The following SFRP1 variants were observed in gnomAD, a reference collection of about 807,000 sequenced individuals.
SFRP1 encodes secreted frizzled-related protein 1.
A neutral mutation model predicts 25.9 loss-of-function variants in SFRP1; 9 were observed. The ratio of observed to expected loss-of-function variants is 0.35; its 90% CI spans 0.21 to 0.61. The LOEUF is 0.61. Among genes scored for constraint, SFRP1 ranks in the 20% least tolerant of loss-of-function variants. The probability of loss-of-function intolerance (pLI) is 0.78; values close to 1 mark genes in which losing one functional copy is unlikely to be tolerated. For missense variants in SFRP1, 346 were observed against 418.2 expected (o/e 0.83, Z 1.51); for synonymous variants, 178 against 174.0 (o/e 1.02, Z -0.18).
In SFRP1 at chr8:41,303,530, C is replaced by A; in HGVS notation, c.553G>T (p.Val185Leu). The change falls in exon 2 of 3, where the codon GTG becomes TTG. Residue 185 changes from valine to leucine, a missense_variant. Val to Leu is a conservative substitution (Grantham distance 32). Coordinates refer to ENST00000220772, the MANE Select transcript of SFRP1 (RefSeq NM_003012.5). Reference protein sequence around the residue: ...TEASKPQGTTVCPPCDNELKS... With the variant: ...TEASKPQGTTLCPPCDNELKS... ...AACTCGTTGTCACAGGGAGGACACA[C>A]CGTTGTGCCTGGGAAAGGAAGTAGG... 1.9e-6 allele frequency: 3 copies of A among 1,613,540 alleles called. No homozygotes were observed. Among genetic ancestry groups the A allele is most frequent in the Non-Finnish European group, 2.5e-6 (3 of 1,179,526 alleles).
chr8:41,306,883 G>A (rs1448881149), intron 1 of SFRP1: 1 of 1,593,790 alleles, frequency 6.3e-7, no homozygotes, highest in African/African-American at 1.3e-5. Context: ...GCTGGGGTGA[G>A]GGATTCTTTC....
At chr8:41,281,782 C>A (rs534827815) in intron 2 of SFRP1, among the ~76,000 whole-genome samples, 16 of 152,348 alleles carry the variant, frequency 1.1e-4, no homozygotes, top group African/African-American at 3.4e-4. Flanking sequence ...ATTTCATATA[C>A]ATGGCCAACT....
intron 2 of SFRP1, among the ~76,000 whole-genome samples, chr8:41,295,095 G>C (rs1276177989): frequency 6.6e-6 from 1 of 152,204 alleles, no homozygotes; most frequent in East Asian, 1.9e-4. Flanking sequence ...CAGTGCAGTG[G>C]CTCACGCCTG....
At chr8:41,269,049 A>G (rs1489165284) in intron 2 of SFRP1, among the ~76,000 whole-genome samples, 1 of 152,206 alleles carries the variant, frequency 6.6e-6, no homozygotes, top group Non-Finnish European at 1.5e-5. Flanking sequence ...TGGTGGATCG[A>G]CCATCTGAGG....
chr8:41,293,354 A>G (rs1034212522), intron 2 of SFRP1, among the ~76,000 whole-genome samples: 3 of 152,216 alleles, frequency 2.0e-5, no homozygotes, highest in African/African-American at 7.2e-5. Flanking sequence ...TTGAGTCCCC[A>G]CGCTGTGGGC....
rs144681049 is a variant in SFRP1 at position 41,296,886 on chromosome 8, T to C, written c.622+6575A>G. On this transcript the variant is annotated intron_variant, in intron 2 of 2. Coordinates refer to ENST00000220772, the MANE Select transcript of SFRP1 (RefSeq NM_003012.5). ...CTCCCGCATTCAGCCCTCATCACTG[T>C]CTGGAGGCTTCCAGGTTTACGTTGA... 3.5e-3 allele frequency among the ~76,000 whole-genome samples: 533 copies of C among 152,322 alleles called. 3 individuals carry two copies. Among genetic ancestry groups the C allele is most frequent in the African/African-American group, 0.012 (516 of 41,566 alleles).
At position 41,265,112 on chromosome 8, in the gene SFRP1, T is replaced by TTC; in HGVS notation, c.*54_*55insGA. The TTC allele has an allele frequency of 5.8e-6, 3 of 517,774 alleles. No homozygotes were observed. Among genetic ancestry groups the TTC allele is most frequent in the South Asian group, 2.0e-5 (1 of 51,012 alleles). The allele number at this position is 517,774 out of a possible 1,614,324, so 32.1% of individuals were successfully genotyped here. A position where few individuals can be genotyped will look rare whatever the true frequency, so the allele number is the denominator to read the frequency against. ...GACCCACCGGGTTCCCGGGGCACTGTCCCCCCCGCTCCCACCCCACCCGAG... is the reference window on the plus strand; with the variant it reads ...GACCCACCGGGTTCCCGGGGCACTGTTCCCCCCCCGCTCCCACCCCACCCGAG... On this transcript the variant is annotated 3_prime_UTR_variant, in exon 3 of 3. Transcript: ENST00000220772.
At position 41,272,086 on chromosome 8, in the gene SFRP1, TAA is replaced by T. The variant is rs1239161907; in HGVS notation, c.623-6599_623-6598del. Among the ~76,000 whole-genome samples the T allele has an allele frequency of 8.5e-5, 13 of 152,196 alleles. No individual in the cohort carries two copies. The East Asian group carries it at 2.5e-3, about 29-fold the overall frequency. On this transcript the variant is annotated intron_variant, in intron 2 of 2. Transcript: ENST00000220772. ...AAAGATTACTTGGAAATTTAAAATATAAGAGAAGAAATATAAAATGCAAGACA... is the reference window on the plus strand; with the variant it reads ...AAAGATTACTTGGAAATTTAAAATATGAGAAGAAATATAAAATGCAAGACA...
At chr8:41,269,620 T>C (rs1585504175) in intron 2 of SFRP1, among the ~76,000 whole-genome samples, 1 of 152,184 alleles carries the variant, frequency 6.6e-6, no homozygotes. Context: ...CAAAGCCGTC[T>C]CTTCCTCCTG....
In SFRP1 at chr8:41,263,054, C is replaced by T. The variant is rs1165589542; in HGVS notation, c.*2113G>A. On this transcript the variant is annotated 3_prime_UTR_variant, in exon 3 of 3. Coordinates refer to ENST00000220772, the MANE Select transcript of SFRP1 (RefSeq NM_003012.5). Reference sequence around the variant, plus strand: ...CCTGCTCTTCCGTATTCTGTGGTAACTACTAATGTTCCAGGTAAACCCCTC... The same window carrying T: ...CCTGCTCTTCCGTATTCTGTGGTAATTACTAATGTTCCAGGTAAACCCCTC... 1 of 152,286 alleles carries T rather than the reference C, an allele frequency of 6.6e-6. No homozygotes were observed. Among genetic ancestry groups the T allele is most frequent in the Non-Finnish European group, 1.5e-5 (1 of 68,044 alleles). The allele number at this position is 152,286 out of a possible 1,614,324, so 9.4% of individuals were successfully genotyped here.
rs1185856105 is a variant in SFRP1 at position 41,303,509 on chromosome 8, C to T, written c.574G>A (p.Glu192Lys). The change falls in exon 2 of 3, where the codon GAG (glutamate) becomes AAG (lysine). Residue 192 changes from glutamate to lysine, a missense_variant. Transcript: ENST00000220772. ...GTTVCPPCDN[E>K]LKSEAIIEHL... ...TCAATGATGGCCTCAGATTTCAACT[C>T]GTTGTCACAGGGAGGACACACCGTT... The T allele has an allele frequency of 2.5e-6, 4 of 1,613,874 alleles. No homozygotes were observed. The highest frequency in any genetic ancestry group is 1.1e-5 in the South Asian group (1 of 91,068).
intron 1 of SFRP1, among the ~76,000 whole-genome samples, chr8:41,304,854 C>T (rs559641053): frequency 6.0e-4 from 92 of 152,246 alleles, no homozygotes; most frequent in Non-Finnish European, 1.1e-3. Flanking sequence ...TTTATTGACA[C>T]ATTCCTCTCC....
At chr8:41,300,464 T>C (rs1027269779) in intron 2 of SFRP1, among the ~76,000 whole-genome samples, 4 of 152,118 alleles carry the variant, frequency 2.6e-5, no homozygotes, top group Non-Finnish European at 5.9e-5. Context: ...AAGTGGAAGC[T>C]CTGAACTCTC....
At chr8:41,294,421 C>T (rs560604467) in intron 2 of SFRP1, among the ~76,000 whole-genome samples, 1 of 152,278 alleles carries the variant, frequency 6.6e-6, no homozygotes, top group East Asian at 1.9e-4. Flanking sequence ...TTGGAGAAAG[C>T]TGATGGAAGG....
At chr8:41,295,456 T>C (rs1268715584) in intron 2 of SFRP1, among the ~76,000 whole-genome samples, 1 of 149,576 alleles carries the variant, frequency 6.7e-6, no homozygotes, top group African/African-American at 2.5e-5. Flanking sequence ...TTGAACCCAG[T>C]AGGCAGAGGT....
chr8:41,283,380 T>C (rs990612561), intron 2 of SFRP1, among the ~76,000 whole-genome samples: 1 of 152,052 alleles, frequency 6.6e-6, no homozygotes, highest in Non-Finnish European at 1.5e-5. Flanking sequence ...GGTGGCCAGA[T>C]AGGAAACCCC....
In SFRP1 at chr8:41,265,280, G is replaced by A; in HGVS notation, c.832C>T (p.Gln278Ter). Residue 278 changes from glutamine to a stop codon, truncating the protein, a stop_gained, in exon 3 of 3, where the codon CAG becomes TAG. Transcript: ENST00000220772. LOFTEE classifies it high-confidence loss of function. ...TTGTGGATGGCCGTCAGCAAGTACTGGCTCTTCACCTTGCGGCCCATGATG... is the reference window on the plus strand; with the variant it reads ...TTGTGGATGGCCGTCAGCAAGTACTAGCTCTTCACCTTGCGGCCCATGATG... ...FLIMGRKVKSQYLLTAIHKWD... is the reference protein window; with the variant it reads ...FLIMGRKVKS 6.2e-7 allele frequency: 1 copy of A among 1,614,094 alleles called. No homozygotes were observed. Among genetic ancestry groups the A allele is most frequent in the East Asian group, 2.2e-5 (1 of 44,880 alleles).
chr8:41,306,377 T>C lies in SFRP1; in HGVS notation c.544+2239A>G, dbSNP rs138752527. ...AACGAATAAAAGAGTAGTGCATGCA[T>C]ACTTATTCTCATTGGAAAGTGCCAG... On this transcript the variant is annotated intron_variant, in intron 1 of 2. Transcript: ENST00000220772. Among the ~76,000 whole-genome samples the C allele has an allele frequency of 2.2e-3, 338 of 152,332 alleles. 2 individuals are homozygous for C. Among genetic ancestry groups the C allele is most frequent in the Non-Finnish European group, 3.8e-3 (259 of 68,036 alleles).
chr8:41,266,552 C>A (rs1185056429), intron 2 of SFRP1, among the ~76,000 whole-genome samples: 3 of 152,022 alleles, frequency 2.0e-5, no homozygotes, highest in Non-Finnish European at 4.4e-5. Context: ...TCTCCCACCT[C>A]AGCCTCCCAA....
Sources: allele counts gnomAD v4.1 joint callset (sites outside exome capture counted in the v4.1 genomes callset), GRCh38; gene constraint gnomAD v4.1.1; transcripts MANE v1.5; gene names NCBI Gene and HGNC (gene_info 2026-07-23, HGNC 2026-07-21).